SLC47A1: variants seen among roughly 807,000 people sequenced by gnomAD.
SLC47A1 encodes solute carrier family 47 member 1.
In SLC47A1, 58 loss-of-function variants were observed where a neutral mutation model predicts 65.8. That is an observed-to-expected ratio of 0.88 (90% CI 0.71 to 1.10). The LOEUF (loss-of-function observed/expected upper bound fraction) is 1.10, where lower values mean the gene tolerates loss of function less well. Among genes scored for constraint, SLC47A1 ranks in the 50% least tolerant of loss-of-function variants. The pLI, the probability that SLC47A1 is intolerant of heterozygous loss-of-function variation, is 0.00. For missense variants in SLC47A1, 706 were observed against 719.2 expected (o/e 0.98, Z 0.21); for synonymous variants, 285 against 295.0 (o/e 0.97, Z 0.35).
chr17:19,557,524 CT>C (rs764494055), intron 10 of SLC47A1: 14 of 507,342 alleles, frequency 2.8e-5, no homozygotes, highest in Non-Finnish European at 5.2e-5. Context: ...TCTTCATATA[CT>C]TGTCTGATTA....
chr17:19,578,794 G>A lies in SLC47A1; in HGVS notation c.*1241G>A, dbSNP rs1472947944. 1 of 152,232 alleles carries A rather than the reference G, an allele frequency of 6.6e-6. No homozygotes were observed. Among genetic ancestry groups the A allele is most frequent in the Non-Finnish European group, 1.5e-5 (1 of 68,056 alleles). 9.4% of individuals were successfully genotyped at this position (152,232 alleles called of 1,614,324 possible). ...GGGACCAGCTTTGTCCATAACTGCT[G>A]AGAGAACTTGCTGAAGCTCTAGGAA... On this transcript the variant is annotated 3_prime_UTR_variant, in exon 17 of 17. Coordinates refer to ENST00000270570, the MANE Select transcript of SLC47A1 (RefSeq NM_018242.3).
At position 19,578,040 on chromosome 17, in the gene SLC47A1, T is replaced by C. The variant is rs1318809872; in HGVS notation, c.*487T>C. 8.8e-7 allele frequency: 1 copy of C among 1,133,620 alleles called. No individual in the cohort carries two copies. The highest frequency in any genetic ancestry group is 5.8e-5 in the East Asian group (1 of 17,296). 70.2% of individuals were successfully genotyped at this position (1,133,620 alleles called of 1,614,324 possible). On this transcript the variant is annotated 3_prime_UTR_variant, in exon 17 of 17. Transcript: ENST00000270570. Reference sequence around the variant, plus strand: ...CTCTGTCATGCAGGCTGGAGTGCGGTGGTGCGATCATAGCTCACTGCAGCC... The same window carrying C: ...CTCTGTCATGCAGGCTGGAGTGCGGCGGTGCGATCATAGCTCACTGCAGCC...
intron 12 of SLC47A1, among the ~76,000 whole-genome samples, chr17:19,563,705 T>C (rs970058361): frequency 6.6e-6 from 1 of 152,138 alleles, no homozygotes; most frequent in East Asian, 1.9e-4. Flanking sequence ...TTATTAGACA[T>C]AGGCTGGGCG....
chr17:19,556,255 T>C (rs1234830915), intron 10 of SLC47A1, among the ~76,000 whole-genome samples, 193 bp downstream of exon 10: 1 of 152,220 alleles, frequency 6.6e-6, no homozygotes, highest in Non-Finnish European at 1.5e-5. Flanking sequence ...GAAGGGGGGC[T>C]GGAGAGAAAC....
At chr17:19,544,987 A>G (rs1384334838) in intron 2 of SLC47A1, among the ~76,000 whole-genome samples, 2 of 152,230 alleles carry the variant, frequency 1.3e-5, no homozygotes, top group South Asian at 2.1e-4. Flanking sequence ...GACACCTCAA[A>G]TCAGTCTCTC....
At chr17:19,545,848 A>T (rs1176518264) in intron 2 of SLC47A1, among the ~76,000 whole-genome samples, 1 of 152,152 alleles carries the variant, frequency 6.6e-6, no homozygotes, top group Non-Finnish European at 1.5e-5. Context: ...CTGTAGGAAC[A>T]GTGGGGATGT....
At chr17:19,577,203 G>A in intron 16 of SLC47A1, 124 bp from the exon 17 acceptor site, 2 of 1,315,868 alleles carry the variant, frequency 1.5e-6, no homozygotes, top group Middle Eastern at 2.0e-4. Flanking sequence ...TTTATTCACT[G>A]TAGCAATAGT....
Position 19,565,970 on chromosome 17 carries a change from C to T in SLC47A1, c.1107-820C>T, listed in dbSNP as rs566918929. Among the ~76,000 whole-genome samples, 5 of 152,302 alleles carry T rather than the reference C, an allele frequency of 3.3e-5. No individual in the cohort carries two copies. In the South Asian group the frequency reaches 6.2e-4, roughly 19 times the overall value. On this transcript the variant is annotated intron_variant, in intron 12 of 16. Transcript: ENST00000270570. ...TTATGAGTATTAGGAGGAAATCTCA[C>T]GTCCCGCCTGGGACATGAAATCATC...
chr17:19,540,012 G>A (rs903057791), intron 1 of SLC47A1, among the ~76,000 whole-genome samples: 4 of 152,162 alleles, frequency 2.6e-5, no homozygotes, highest in African/African-American at 4.8e-5. Flanking sequence ...GGTTGTTGCC[G>A]TAACCCTGGC....
At chr17:19,548,271 T>C in intron 4 of SLC47A1, 138 bp downstream of exon 4, 1 of 1,046,990 alleles carries the variant, frequency 9.6e-7, no homozygotes. Context: ...CTCCTAGGTC[T>C]TAGTACTTTC....
intron 16 of SLC47A1, among the ~76,000 whole-genome samples, chr17:19,574,376 G>T (rs2084423146): frequency 6.6e-6 from 1 of 152,138 alleles, no homozygotes; most frequent in Non-Finnish European, 1.5e-5. Context: ...TCTCTGACCT[G>T]CATCCTCTCA....
chr17:19,559,958 T>G (rs2084294348), intron 10 of SLC47A1, among the ~76,000 whole-genome samples: 1 of 152,170 alleles, frequency 6.6e-6, no homozygotes. Context: ...TCGCAGAGGT[T>G]GGAAGCTCTG....
At chr17:19,550,585 G>C (rs898570354) in intron 5 of SLC47A1, among the ~76,000 whole-genome samples, 1 of 152,118 alleles carries the variant, frequency 6.6e-6, no homozygotes, top group Non-Finnish European at 1.5e-5. Flanking sequence ...CGAAGTGTTG[G>C]GTTGCATGTG....
chr17:19,572,571 C>T (rs1288603331), intron 15 of SLC47A1, among the ~76,000 whole-genome samples: 1 of 152,106 alleles, frequency 6.6e-6, no homozygotes, highest in Non-Finnish European at 1.5e-5. Flanking sequence ...ATCCTCTCTC[C>T]TCAGCCCCCC....
intron 5 of SLC47A1, 49 bp from the exon 6 acceptor site, chr17:19,551,375 G>C (rs1916443227): frequency 6.6e-7 from 1 of 1,523,944 alleles, no homozygotes; most frequent in Non-Finnish European, 9.1e-7. Context: ...CCTCACTTCT[G>C]TGTGGCAAGG....
intron 4 of SLC47A1, among the ~76,000 whole-genome samples, chr17:19,548,397 G>A (rs985563275): frequency 7.9e-5 from 12 of 151,978 alleles, no homozygotes; most frequent in East Asian, 1.9e-4. Context: ...AGTTTGTGAC[G>A]TTTGCTCAAA....
chr17:19,538,434 A>C (rs758428063), intron 1 of SLC47A1, among the ~76,000 whole-genome samples: 2 of 152,228 alleles, frequency 1.3e-5, no homozygotes, highest in African/African-American at 2.4e-5. Flanking sequence ...TCCGGGGAAA[A>C]GATCAATATC....
chr17:19,541,275 G>T (rs528737826), intron 1 of SLC47A1, among the ~76,000 whole-genome samples: 4 of 152,328 alleles, frequency 2.6e-5, no homozygotes, highest in African/African-American at 7.2e-5. Context: ...AGCGGCGGCA[G>T]CAGCAAATCC....
At chr17:19,557,655 AC>A (rs758709719) in intron 10 of SLC47A1, 1 of 517,332 alleles carries the variant, frequency 1.9e-6, no homozygotes, top group Non-Finnish European at 3.9e-6. Context: ...TGCCTCAGTT[AC>A]CCGTAGATGT....
Sources: allele counts gnomAD v4.1 joint callset (sites outside exome capture counted in the v4.1 genomes callset), GRCh38; gene constraint gnomAD v4.1.1; transcripts MANE v1.5; gene names NCBI Gene and HGNC (gene_info 2026-07-23, HGNC 2026-07-21).